RAP1GAP2: variants seen among roughly 807,000 people sequenced by gnomAD.
RAP1GAP2 encodes the protein RAP1 GTPase activating protein 2.
A neutral mutation model predicts 95.0 loss-of-function variants in RAP1GAP2; 27 were observed. That is an observed-to-expected ratio of 0.28 (90% CI 0.21 to 0.39). RAP1GAP2 has a LOEUF of 0.39. Ranked by LOEUF, RAP1GAP2 falls within the 10% of genes least tolerant of loss-of-function variation. The pLI, the probability that RAP1GAP2 is intolerant of heterozygous loss-of-function variation, is 1.00. For synonymous variants in RAP1GAP2, 373 were observed against 380.9 expected, an observed-to-expected ratio of 0.98 and a Z score of 0.24; for missense variants, 771 against 970.0, an observed-to-expected ratio of 0.79 and a Z score of 2.72.
intron 21 of RAP1GAP2, 109 bp from the exon 22 acceptor site, chr17:3,026,835 G>A (rs4790113): frequency 4.0e-5 from 54 of 1,344,330 alleles, no homozygotes; most frequent in Middle Eastern, 2.5e-4. Context: ...AGGCCCAAGT[G>A]GGGAGCAGGA....
chr17:3,028,704 C>T (rs538339993), intron 22 of RAP1GAP2, among the ~76,000 whole-genome samples: 1 of 152,306 alleles, frequency 6.6e-6, no homozygotes, highest in East Asian at 1.9e-4. Context: ...TGTGGTTGGG[C>T]AGCTGCGGAG....
intron 2 of RAP1GAP2, among the ~76,000 whole-genome samples, chr17:2,808,473 T>C (rs2069616404): frequency 6.6e-6 from 1 of 152,164 alleles, no homozygotes; most frequent in Non-Finnish European, 1.5e-5. Flanking sequence ...ACCCACCATA[T>C]ACCTCCTGCC....
chr17:2,799,176 C>T (rs750303407), intron 1 of RAP1GAP2, among the ~76,000 whole-genome samples: 28 of 152,286 alleles, frequency 1.8e-4, no homozygotes, highest in Non-Finnish European at 3.2e-4. Flanking sequence ...GAGTCCTGCT[C>T]GGATCTGGGT....
At chr17:2,954,349 C>G (rs1366014598) in intron 3 of RAP1GAP2, among the ~76,000 whole-genome samples, 2 of 152,010 alleles carry the variant, frequency 1.3e-5, no homozygotes, top group African/African-American at 4.8e-5. Context: ...CGTGATCCGC[C>G]CGCCTCGGCC....
At chr17:2,892,099 C>T (rs1186514256) in intron 2 of RAP1GAP2, among the ~76,000 whole-genome samples, 1 of 152,108 alleles carries the variant, frequency 6.6e-6, no homozygotes, top group Non-Finnish European at 1.5e-5. Context: ...GCTGGGATGA[C>T]AGGCGTGAGC....
chr17:3,002,241 G>A (rs889781450), intron 14 of RAP1GAP2, among the ~76,000 whole-genome samples: 2 of 152,154 alleles, frequency 1.3e-5, no homozygotes, highest in Admixed American at 6.5e-5. Flanking sequence ...CATTACAGGC[G>A]TGAACCATCA....
At chr17:3,010,309 C>T (rs1284157807) in intron 17 of RAP1GAP2, among the ~76,000 whole-genome samples, 2 of 135,766 alleles carry the variant, frequency 1.5e-5, no homozygotes, top group South Asian at 4.6e-4. Flanking sequence ...CACTGCACTC[C>T]AGCCTGGAGA....
chr17:2,780,368 T>C (rs2068616250), intron 1 of RAP1GAP2, among the ~76,000 whole-genome samples: 1 of 152,184 alleles, frequency 6.6e-6, no homozygotes, highest in Non-Finnish European at 1.5e-5. Context: ...CTTCATCCTT[T>C]TTTCCACGGT....
chr17:3,017,915 C>T (rs2046824258), intron 17 of RAP1GAP2, 146 bp from the exon 18 acceptor site: 2 of 585,046 alleles, frequency 3.4e-6, no homozygotes, highest in African/African-American at 2.6e-5. Context: ...GCCTCTGTGA[C>T]CGTGTGTGTG....
At chr17:2,894,473 C>T (rs1435141744) in intron 2 of RAP1GAP2, among the ~76,000 whole-genome samples, 1 of 152,168 alleles carries the variant, frequency 6.6e-6, no homozygotes, top group Non-Finnish European at 1.5e-5. Flanking sequence ...GCCCTACATG[C>T]TGTCCCTGAG....
In RAP1GAP2 at chr17:2,760,773, A is replaced by G. The variant is rs372727787; in HGVS notation, c.50+5006A>G. Reference sequence around the variant, plus strand: ...TCGTTGAGCTCCTCTTAGCTGTGAAAGCTTCTCAGACGTTCCTTGTTTTAG... The same window carrying G: ...TCGTTGAGCTCCTCTTAGCTGTGAAGGCTTCTCAGACGTTCCTTGTTTTAG... On this transcript the variant is annotated intron_variant, in intron 1 of 25. Transcript: ENST00000637138. Among the ~76,000 whole-genome samples, 219 of 152,042 alleles carry G rather than the reference A, an allele frequency of 1.4e-3. 1 individual carries two copies. The highest frequency in any genetic ancestry group is 5.0e-3 in the African/African-American group (206 of 41,464).
intron 2 of RAP1GAP2, among the ~76,000 whole-genome samples, chr17:2,829,172 C>T (rs1427077563): frequency 2.0e-5 from 3 of 151,842 alleles, no homozygotes; most frequent in Admixed American, 6.6e-5. Context: ...TTAGTAGAGA[C>T]GGGGTTTCGC....
Position 2,806,081 on chromosome 17 carries a change from G to T in RAP1GAP2, c.80+5531G>T, listed in dbSNP as rs143969952. Among the ~76,000 whole-genome samples the T allele has an allele frequency of 7.5e-3, 1,137 of 152,354 alleles. 10 individuals are homozygous for T. The highest frequency in any genetic ancestry group is 0.011 in the Non-Finnish European group (772 of 68,032). On this transcript the variant is annotated intron_variant, in intron 2 of 24. Transcript: ENST00000254695. ...GTGCTCTGTGATTTCTTCCCTAGGAGAAGGACGGGGAGGGCCTGGAGGAGC... is the reference window on the plus strand; with the variant it reads ...GTGCTCTGTGATTTCTTCCCTAGGATAAGGACGGGGAGGGCCTGGAGGAGC...
chr17:2,913,569 G>A (rs896369413), intron 3 of RAP1GAP2, among the ~76,000 whole-genome samples: 3 of 152,142 alleles, frequency 2.0e-5, no homozygotes, highest in African/African-American at 4.8e-5. Context: ...GATTACAGGC[G>A]TGAGCCACCA....
chr17:2,980,414 G>A (rs950500505), intron 9 of RAP1GAP2, 49 bp downstream of exon 9: 2 of 1,586,262 alleles, frequency 1.3e-6, no homozygotes, highest in Non-Finnish European at 1.7e-6. Context: ...TCAGCCCAGG[G>A]CTGGCCTCTG....
intron 1 of RAP1GAP2, 109 bp from the exon 2 acceptor site, chr17:2,800,406 A>G (rs1427509379): frequency 2.1e-5 from 30 of 1,410,116 alleles, no homozygotes; most frequent in Non-Finnish European, 2.6e-5. Flanking sequence ...TCCCTGACAG[A>G]GCCCTGCTGT....
At chr17:2,854,441 C>T (rs1427046427) in intron 2 of RAP1GAP2, among the ~76,000 whole-genome samples, 3 of 152,240 alleles carry the variant, frequency 2.0e-5, no homozygotes, top group Admixed American at 6.5e-5. Context: ...CCAGCCCAGG[C>T]GGCTCCATGC....
intron 2 of RAP1GAP2, among the ~76,000 whole-genome samples, chr17:2,860,641 T>TC (rs1477179066): frequency 3.4e-5 from 5 of 145,528 alleles, no homozygotes; most frequent in Non-Finnish European, 7.5e-5. Context: ...TCTTGCTCTG[T>TC]CACCCATTCT....
intron 2 of RAP1GAP2, among the ~76,000 whole-genome samples, chr17:2,896,325 AAC>A (rs1302835380): frequency 6.6e-6 from 1 of 152,058 alleles, no homozygotes; most frequent in Non-Finnish European, 1.5e-5. Context: ...AAGAACTCAA[AAC>A]ACACAAGAAG....
Sources: allele counts gnomAD v4.1 joint callset (sites outside exome capture counted in the v4.1 genomes callset), GRCh38; gene constraint gnomAD v4.1.1; transcripts MANE v1.5; gene names NCBI Gene and HGNC (gene_info 2026-07-23, HGNC 2026-07-21).